The following ELAPOR2 variants were observed in gnomAD, a reference collection of about 807,000 sequenced individuals.
The protein encoded by ELAPOR2 is endosome/lysosome-associated apoptosis and autophagy regulator family member 2.
A neutral mutation model predicts 120.7 loss-of-function variants in ELAPOR2; 89 were observed. The ratio of observed to expected loss-of-function variants is 0.74; its 90% CI spans 0.62 to 0.88. The LOEUF is 0.88. ELAPOR2 is among the 40% of genes least tolerant of loss of function. The probability of loss-of-function intolerance (pLI) is 0.00; values close to 1 mark genes in which losing one functional copy is unlikely to be tolerated. For missense variants in ELAPOR2, 1,134 were observed against 1,251.6 expected (o/e 0.91, Z 1.42); for synonymous variants, 444 against 444.9 (o/e 1.00, Z 0.03).
chr7:87,009,157 G>T (rs1049281043), intron 1 of ELAPOR2, among the ~76,000 whole-genome samples: 1 of 152,242 alleles, frequency 6.6e-6, no homozygotes, highest in African/African-American at 2.4e-5. Flanking sequence ...TTATAGAATA[G>T]ATAAGACATA....
rs140851789 is a variant in ELAPOR2 at position 86,886,923 on chromosome 7, C to T, written c.3030+4801G>A. ...CCACTGGCTGCTACAGATATTCAAT[C>T]ATCTATGAATAACTGAAAACCAACA... is the stretch of plus-strand genomic sequence containing the variant. On this transcript the variant is annotated intron_variant, in intron 21 of 21. Coordinates refer to ENST00000450689, the MANE Select transcript of ELAPOR2 (RefSeq NM_001142749.3). Among the ~76,000 whole-genome samples the T allele has an allele frequency of 3.0e-3, 452 of 152,234 alleles. 2 individuals are homozygous for T. The highest frequency in any genetic ancestry group is 0.01 in the African/African-American group (427 of 41,564).
intron 1 of ELAPOR2, among the ~76,000 whole-genome samples, chr7:87,053,053 C>T (rs1795161720): frequency 6.6e-6 from 1 of 152,154 alleles, no homozygotes; most frequent in Admixed American, 6.5e-5. Flanking sequence ...CTACCTCAGC[C>T]TTCCAAAGTG....
intron 3 of ELAPOR2, among the ~76,000 whole-genome samples, chr7:86,945,900 C>T (rs890101580): frequency 6.6e-6 from 1 of 151,940 alleles, no homozygotes; most frequent in Non-Finnish European, 1.5e-5. Flanking sequence ...AGAAGTGTTA[C>T]ACACACATGG....
chr7:86,904,542 G>A (rs764874394), intron 18 of ELAPOR2, among the ~76,000 whole-genome samples: 5 of 152,258 alleles, frequency 3.3e-5, no homozygotes, highest in Non-Finnish European at 4.4e-5. Context: ...ACACTGTACC[G>A]TTTTTATCTA....
intron 18 of ELAPOR2, among the ~76,000 whole-genome samples, chr7:86,900,231 G>GA (rs368923926): frequency 0.019 from 2,868 of 149,060 alleles, 39 homozygotes; most frequent in Non-Finnish European, 0.032. Context: ...CTCAATAAAT[G>GA]AAAAAAAAAG....
intron 2 of ELAPOR2, among the ~76,000 whole-genome samples, chr7:86,960,701 GT>G (rs1211612670): frequency 1.3e-5 from 2 of 151,966 alleles, no homozygotes; most frequent in Non-Finnish European, 2.9e-5. Context: ...CTGATTTTGA[GT>G]GCATATATAT....
chr7:86,911,569 A>G (rs535846254), intron 15 of ELAPOR2: 2 of 451,940 alleles, frequency 4.4e-6, no homozygotes, highest in Non-Finnish European at 8.9e-6. Context: ...ATCAATTAAG[A>G]TTCCTCTTCT....
chr7:86,949,989 G>A (rs1791175977), intron 2 of ELAPOR2, among the ~76,000 whole-genome samples: 2 of 150,934 alleles, frequency 1.3e-5, no homozygotes, highest in South Asian at 4.2e-4. Flanking sequence ...GGCCAGAATG[G>A]GAACTTGTGG....
intron 18 of ELAPOR2, among the ~76,000 whole-genome samples, chr7:86,905,182 A>AAGAG (rs147886977): frequency 1.0e-3 from 148 of 143,446 alleles, no homozygotes; most frequent in African/African-American, 1.4e-3. Flanking sequence ...GAAAGAGAGA[A>AAGAG]AGAGAGAGAG....
At position 86,938,900 on chromosome 7, in the gene ELAPOR2, C is replaced by T. The variant is rs1790681950; in HGVS notation, c.908G>A (p.Gly303Asp). The T allele has an allele frequency of 6.2e-7, 1 of 1,613,202 alleles. No individual in the cohort carries two copies. The highest frequency in any genetic ancestry group is 8.5e-7 in the Non-Finnish European group (1 of 1,179,510). Residue 303 changes from glycine to aspartate, a missense_variant, in exon 7 of 22, where the codon GGT (glycine) becomes GAT (aspartate). Around this residue, in one of 3 missense-constraint regions of ELAPOR2, gnomAD observed 23 missense variants for 52.4 expected, o/e 0.44. Transcript: ENST00000450689. The stretch of plus-strand genomic sequence containing the variant: ...GGGACACACCTGGCAGTTGAATGAA[C>T]CTGGTTTGTTGCTGAATGTGCCTGG... ...CKPGTFSNKP[G>D]SFNCQVCPRN... is the part of the protein sequence containing the mutation.
intron 1 of ELAPOR2, among the ~76,000 whole-genome samples, chr7:87,024,750 T>C (rs1794187920): frequency 6.6e-6 from 1 of 151,944 alleles, no homozygotes; most frequent in Middle Eastern, 3.2e-3. Flanking sequence ...AAATACAAAC[T>C]ACCATCAGAG....
chr7:86,921,540 C>T (rs1054084396), intron 10 of ELAPOR2, among the ~76,000 whole-genome samples: 3 of 152,056 alleles, frequency 2.0e-5, no homozygotes, highest in African/African-American at 7.2e-5. Flanking sequence ...CATAGCCCTG[C>T]CCACACCTTG....
intron 18 of ELAPOR2, among the ~76,000 whole-genome samples, chr7:86,901,544 TA>T (rs1788725727): frequency 6.6e-6 from 1 of 152,232 alleles, no homozygotes; most frequent in Non-Finnish European, 1.5e-5. Context: ...TAATTCAGTA[TA>T]AATACGTTTT....
intron 1 of ELAPOR2, among the ~76,000 whole-genome samples, chr7:86,965,459 G>C (rs965401988): frequency 6.6e-6 from 1 of 152,244 alleles, no homozygotes; most frequent in African/African-American, 2.4e-5. Context: ...TTCTCACTCT[G>C]TTTAAAATTT....
chr7:87,038,461 A>G (rs984585939), intron 1 of ELAPOR2, among the ~76,000 whole-genome samples: 1 of 152,228 alleles, frequency 6.6e-6, no homozygotes, highest in Non-Finnish European at 1.5e-5. Context: ...AAATCTCACA[A>G]AAAGTGAAAT....
At chr7:86,929,312 T>C (rs1420266442) in intron 8 of ELAPOR2, among the ~76,000 whole-genome samples, 2 of 151,960 alleles carry the variant, frequency 1.3e-5, no homozygotes, top group African/African-American at 4.8e-5. Context: ...TCTTTATAAA[T>C]TGGCTCAACT....
At chr7:87,028,256 T>G (rs1012963908) in intron 1 of ELAPOR2, among the ~76,000 whole-genome samples, 3 of 152,120 alleles carry the variant, frequency 2.0e-5, no homozygotes, top group Non-Finnish European at 4.4e-5. Context: ...TCAAAATTGC[T>G]TTTTTCAAGA....
intron 15 of ELAPOR2, among the ~76,000 whole-genome samples, chr7:86,911,130 T>C (rs1223562952): frequency 6.6e-6 from 1 of 152,118 alleles, no homozygotes; most frequent in Non-Finnish European, 1.5e-5. Flanking sequence ...AATAAGATTG[T>C]GATAGAAGTA....
chr7:87,044,147 G>C (rs1168552698), intron 1 of ELAPOR2, among the ~76,000 whole-genome samples: 1 of 119,474 alleles, frequency 8.4e-6, no homozygotes, highest in Non-Finnish European at 1.7e-5. Flanking sequence ...CTCATGGGTA[G>C]GAAGAATCAA....
Sources: allele counts gnomAD v4.1 joint callset (sites outside exome capture counted in the v4.1 genomes callset), GRCh38; gene constraint gnomAD v4.1.1; regional missense constraint gnomAD v4.1.1; transcripts MANE v1.5; gene names NCBI Gene and HGNC (gene_info 2026-07-23, HGNC 2026-07-21).